SH3RF3: variants seen among roughly 807,000 people sequenced by gnomAD.
SH3RF3 encodes SH3 domain containing ring finger 3.
In SH3RF3, 29 loss-of-function variants were observed where a neutral mutation model predicts 66.3. That is an observed-to-expected ratio of 0.44 (90% CI 0.33 to 0.60). The LOEUF is 0.60. Ranked by LOEUF, SH3RF3 falls within the 20% of genes least tolerant of loss-of-function variation. The pLI, the probability that SH3RF3 is intolerant of heterozygous loss-of-function variation, is 0.04. For synonymous variants in SH3RF3, 583 were observed against 532.0 expected (o/e 1.10, Z -1.32); for missense variants, 1,194 against 1,190.9 (o/e 1.00, Z -0.04).
rs767097716 is a variant in SH3RF3, at chr2:109,437,100, C to G, written c.1782C>G (p.His594Gln). The change falls in exon 7 of 10, where the codon CAC (histidine) becomes CAG (glutamine). Residue 594 changes from histidine to glutamine, a missense_variant. Transcript: ENST00000309415. The stretch of plus-strand genomic sequence containing the variant: ...CCCCAACAGGCAGCTGTCTACGGCA[C>G]TCAGCCCAGCCAACGGCCAGCCAAG... ...ASPPTGSCLRHSAQPTASQAR... is the reference protein window; with the variant it reads ...ASPPTGSCLRQSAQPTASQAR... The G allele has an allele frequency of 6.2e-7, 1 of 1,613,276 alleles. No homozygotes were observed.
At chr2:109,450,306 A>G (rs922400423) in intron 8 of SH3RF3, among the ~76,000 whole-genome samples, 4 of 152,040 alleles carry the variant, frequency 2.6e-5, no homozygotes, top group Non-Finnish European at 5.9e-5. Flanking sequence ...AGATTGTGCC[A>G]CTGCACTCCA....
At chr2:109,141,775 G>C (rs1676954867) in intron 1 of SH3RF3, among the ~76,000 whole-genome samples, 1 of 152,088 alleles carries the variant, frequency 6.6e-6, no homozygotes, top group African/African-American at 2.4e-5. Context: ...CAACAGGAGG[G>C]GGTACTGGTT....
intron 1 of SH3RF3, among the ~76,000 whole-genome samples, chr2:109,228,133 T>C (rs1270001477): frequency 2.6e-5 from 4 of 152,212 alleles, no homozygotes; most frequent in African/African-American, 7.2e-5. Flanking sequence ...TGTGTTTTCA[T>C]GCTGCAAATG....
chr2:109,143,189 A>G (rs1018093697), intron 1 of SH3RF3, among the ~76,000 whole-genome samples: 13 of 152,212 alleles, frequency 8.5e-5, no homozygotes, highest in Non-Finnish European at 1.6e-4. Context: ...CAAGTGGTGC[A>G]TATAGAAAAA....
intron 1 of SH3RF3, 33 bp from the exon 2 acceptor site, chr2:109,347,641 G>T (rs1682743596): frequency 2.5e-6 from 4 of 1,603,980 alleles, no homozygotes; most frequent in Middle Eastern, 1.7e-4. Context: ...GAAGGGGCAT[G>T]CCCGGTGACC....
At chr2:109,427,371 T>A (rs949475225) in intron 5 of SH3RF3, among the ~76,000 whole-genome samples, 3 of 152,246 alleles carry the variant, frequency 2.0e-5, no homozygotes, top group Non-Finnish European at 4.4e-5. Flanking sequence ...TTTACATATA[T>A]TGGTAAACCA....
intron 1 of SH3RF3, among the ~76,000 whole-genome samples, chr2:109,332,025 C>A (rs563390562): frequency 1.3e-5 from 2 of 152,160 alleles, no homozygotes; most frequent in Non-Finnish European, 2.9e-5. Context: ...CAGCGGTTAC[C>A]GGAAATCTGT....
chr2:109,456,876 G>A (rs762493585), intron 8 of SH3RF3, among the ~76,000 whole-genome samples: 5 of 152,344 alleles, frequency 3.3e-5, no homozygotes, highest in Admixed American at 6.5e-5. Context: ...GGGGAGAATA[G>A]CCTAGGGCTC....
At chr2:109,433,985 A>G (rs1244226844) in intron 6 of SH3RF3, among the ~76,000 whole-genome samples, 5 of 152,148 alleles carry the variant, frequency 3.3e-5, no homozygotes, top group Non-Finnish European at 5.9e-5. Context: ...TGACTTGCCC[A>G]GTGTGCGCAG....
intron 1 of SH3RF3, among the ~76,000 whole-genome samples, chr2:109,240,237 C>T (rs956697674): frequency 9.8e-5 from 15 of 152,296 alleles, no homozygotes; most frequent in African/African-American, 3.1e-4. Flanking sequence ...TGGTGGCTCA[C>T]GCCTATAATT....
intron 1 of SH3RF3, among the ~76,000 whole-genome samples, chr2:109,165,330 C>G (rs1361943017): frequency 1.3e-5 from 2 of 152,228 alleles, no homozygotes; most frequent in African/African-American, 4.8e-5. Flanking sequence ...CATTCCCTCC[C>G]TCATCCTTCC....
intron 1 of SH3RF3, among the ~76,000 whole-genome samples, chr2:109,216,070 G>A (rs999878667): frequency 6.6e-6 from 1 of 152,178 alleles, no homozygotes; most frequent in Non-Finnish European, 1.5e-5. Flanking sequence ...CAAGCAGTCA[G>A]TCTGAAGAAC....
intron 8 of SH3RF3, among the ~76,000 whole-genome samples, chr2:109,485,891 C>G (rs954240141): frequency 2.0e-5 from 3 of 152,260 alleles, no homozygotes; most frequent in African/African-American, 7.2e-5. Context: ...GTCCCTGGCC[C>G]TCCCTGGCCC....
intron 1 of SH3RF3, among the ~76,000 whole-genome samples, chr2:109,216,856 CATT>C (rs373564051): frequency 1.2e-4 from 18 of 152,232 alleles, no homozygotes; most frequent in African/African-American, 3.4e-4. Flanking sequence ...AGCACATTCT[CATT>C]GTTGTGAAAC....
chr2:109,235,219 G>C (rs768960268), intron 1 of SH3RF3, among the ~76,000 whole-genome samples: 8 of 152,202 alleles, frequency 5.3e-5, no homozygotes, highest in Non-Finnish European at 1.0e-4. Flanking sequence ...AGGACAGCGA[G>C]CATGTAAAAT....
intron 7 of SH3RF3, among the ~76,000 whole-genome samples, chr2:109,443,111 C>T (rs1444520750): frequency 6.6e-6 from 1 of 152,254 alleles, no homozygotes; most frequent in Non-Finnish European, 1.5e-5. Flanking sequence ...ACTATTGCTT[C>T]TAGGTGAAAT....
At chr2:109,145,026 T>A (rs1463192672) in intron 1 of SH3RF3, among the ~76,000 whole-genome samples, 1 of 152,208 alleles carries the variant, frequency 6.6e-6, no homozygotes, top group East Asian at 1.9e-4. Flanking sequence ...CAGGGCTCCG[T>A]GTCAGGAAGG....
At chr2:109,434,724 G>A (rs961269463) in intron 6 of SH3RF3, among the ~76,000 whole-genome samples, 1 of 152,196 alleles carries the variant, frequency 6.6e-6, no homozygotes, top group Non-Finnish European at 1.5e-5. Flanking sequence ...CAGCCCACTG[G>A]CAAGTTCTAC....
rs1037936378 is a variant in SH3RF3 at position 109,483,833 on chromosome 2, G to T, written c.2149-6772G>T. 3.3e-5 allele frequency among the ~76,000 whole-genome samples: 5 copies of T among 152,086 alleles called. No individual in the cohort carries two copies. The East Asian group carries it at 9.7e-4, about 29-fold the overall frequency. On this transcript the variant is annotated intron_variant, in intron 8 of 9. Transcript: ENST00000309415. ...TTCCCTGTAAACTCCTCCTGTGACT[G>T]TCCCCATCAGCAGCCCCACCATCCC...
Sources: allele counts gnomAD v4.1 joint callset (sites outside exome capture counted in the v4.1 genomes callset), GRCh38; gene constraint gnomAD v4.1.1; transcripts MANE v1.5; gene names NCBI Gene and HGNC (gene_info 2026-07-23, HGNC 2026-07-21).